Variants in CLIC2 observed in about 807,000 individuals in gnomAD.
The protein encoded by CLIC2 is chloride intracellular channel protein 2.
In CLIC2, 9 loss-of-function variants were observed where a neutral mutation model predicts 14.8. The observed-to-expected ratio is 0.61, with a 90% confidence interval of 0.37 to 1.06. The LOEUF is 1.06. Ranked by LOEUF, CLIC2 falls within the 50% of genes least tolerant of loss-of-function variation. CLIC2 has a pLI of 0.01. For synonymous variants in CLIC2, 61 were observed against 66.3 expected (o/e 0.92, Z 0.39); for missense variants, 148 against 181.4 (o/e 0.82, Z 1.06).
At chrX:155,280,552 G>A (rs1434130964) in intron 3 of CLIC2, among the ~76,000 whole-genome samples, 1 of 110,827 alleles carries the variant, frequency 9.0e-6, no homozygotes, top group Non-Finnish European at 1.9e-5. Flanking sequence ...CATTAGCTGG[G>A]CGTGGTGGCG....
intron 1 of CLIC2, among the ~76,000 whole-genome samples, chrX:155,322,811 G>A (rs1432985358): frequency 9.0e-6 from 1 of 111,263 alleles, no homozygotes; most frequent in Non-Finnish European, 1.9e-5. Context: ...CTGCTAGCCA[G>A]ACTAATAAAG....
At chrX:155,292,413 C>T in intron 3 of CLIC2, 2 of 561,766 alleles carry the variant, frequency 3.6e-6, no homozygotes, top group South Asian at 2.3e-5. Context: ...AGAACGTCAA[C>T]GAATTACAGA....
intron 3 of CLIC2, among the ~76,000 whole-genome samples, chrX:155,284,354 G>A (rs1184678773): frequency 9.4e-6 from 1 of 106,447 alleles, no homozygotes; most frequent in African/African-American, 3.4e-5. Context: ...CTGCCTCCCA[G>A]GTTCAAGCGA....
chrX:155,329,517 C>G (rs1423368720), intron 1 of CLIC2, among the ~76,000 whole-genome samples: 1 of 106,951 alleles, frequency 9.4e-6, no homozygotes, highest in African/African-American at 3.4e-5. Context: ...TGGCTTTTAT[C>G]CAAAAGACAG....
Position 155,316,939 on chromosome X carries a change from G to A in CLIC2, c.57+17432C>T, listed in dbSNP as rs150334746. The stretch of plus-strand genomic sequence containing the variant: ...GCCCAATCAGATTAAGGGTGGGTGT[G>A]CCTTTCCCAGCCCACTGACTCAAAT... On this transcript the variant is annotated intron_variant, in intron 1 of 5. Coordinates refer to ENST00000369449, the MANE Select transcript of CLIC2 (RefSeq NM_001289.6). 3.2e-3 allele frequency among the ~76,000 whole-genome samples: 352 copies of A among 111,253 alleles called. 2 individuals carry two copies. The highest frequency in any genetic ancestry group is 3.3e-3 in the Non-Finnish European group (173 of 53,048).
intron 1 of CLIC2, among the ~76,000 whole-genome samples, chrX:155,313,435 T>C (rs2075082187): frequency 8.9e-6 from 1 of 112,053 alleles, no homozygotes; most frequent in Non-Finnish European, 1.9e-5. Context: ...TGCAGCACTA[T>C]TCACAATAGC....
Position 155,298,928 on chromosome X carries a change from A to G in CLIC2, c.168-18T>C. ...CAGGCTTTCTATGATTATTAAAAAT[A>G]AGCAGAGTTAGGTCTCTAGATAAAG... On this transcript the variant is annotated intron_variant, in intron 2 of 5. Coordinates refer to ENST00000369449, the MANE Select transcript of CLIC2 (RefSeq NM_001289.6). The G allele has an allele frequency of 1.7e-6, 2 of 1,205,967 alleles. No homozygotes were observed. Among genetic ancestry groups the G allele is most frequent in the Non-Finnish European group, 1.1e-6 (1 of 890,269 alleles).
At chrX:155,298,606 A>G (rs2075003134) in intron 3 of CLIC2, among the ~76,000 whole-genome samples, 179 bp downstream of exon 3, 1 of 112,336 alleles carries the variant, frequency 8.9e-6, no homozygotes, top group Non-Finnish European at 1.9e-5. Context: ...TATTTGAAAT[A>G]TTACACATAT....
In CLIC2 at chrX:155,277,624, G is replaced by A. The variant is rs138121730; in HGVS notation, c.*279C>T. 3.6e-3 allele frequency: 1,040 copies of A among 288,921 alleles called. 11 individuals are homozygous for A. Among genetic ancestry groups the A allele is most frequent in the African/African-American group, 0.026 (953 of 36,496 alleles). The allele number at this position is 288,921 out of a possible 1,213,427, so 23.8% of individuals were successfully genotyped here. ...GTTTAGCTTATATGTATGCATTCCAGGAATTCAAGCAAAGGGCAAAAGATT... is the reference window on the plus strand; with the variant it reads ...GTTTAGCTTATATGTATGCATTCCAAGAATTCAAGCAAAGGGCAAAAGATT... On this transcript the variant is annotated 3_prime_UTR_variant, in exon 6 of 6. Transcript: ENST00000369449.
At chrX:155,280,876 G>A (rs1483407924) in intron 3 of CLIC2, among the ~76,000 whole-genome samples, 4 of 108,285 alleles carry the variant, frequency 3.7e-5, no homozygotes, top group Admixed American at 1.0e-4. Flanking sequence ...TAAAAAATCA[G>A]CACCTCATGG....
intron 1 of CLIC2, among the ~76,000 whole-genome samples, chrX:155,332,174 T>G (rs1268793462): frequency 8.9e-6 from 1 of 111,999 alleles, no homozygotes; most frequent in Non-Finnish European, 1.9e-5. Context: ...TAAAAGACAA[T>G]GTTTTTATTG....
intron 1 of CLIC2, among the ~76,000 whole-genome samples, chrX:155,332,918 T>A (rs1162185624): frequency 8.9e-6 from 1 of 112,302 alleles, no homozygotes; most frequent in South Asian, 3.6e-4. Flanking sequence ...TACTTCTGAT[T>A]TGGAATTGGT....
At chrX:155,305,242 C>T (rs1188591722) in intron 1 of CLIC2, among the ~76,000 whole-genome samples, 6 of 112,251 alleles carry the variant, frequency 5.3e-5, no homozygotes, top group Non-Finnish European at 3.8e-5. Flanking sequence ...ACTCCGTGGG[C>T]GTGGGACCCT....
At chrX:155,294,644 C>T (rs1557318155) in intron 3 of CLIC2, among the ~76,000 whole-genome samples, 2 of 110,989 alleles carry the variant, frequency 1.8e-5, no homozygotes, top group African/African-American at 3.3e-5. Context: ...GCTAGACTAA[C>T]CAAAAAAGTA....
intron 1 of CLIC2, among the ~76,000 whole-genome samples, chrX:155,328,176 T>G (rs1255399761): frequency 3.6e-5 from 4 of 110,773 alleles, no homozygotes; most frequent in African/African-American, 1.3e-4. Flanking sequence ...TCAGACAAGA[T>G]AAAGAAATAA....
At chrX:155,301,640 C>T (rs2075018619) in intron 1 of CLIC2, among the ~76,000 whole-genome samples, 1 of 74,040 alleles carries the variant, frequency 1.4e-5, no homozygotes, top group Non-Finnish European at 2.7e-5. Flanking sequence ...TGAGAGAGGG[C>T]ATCCCTGTCT....
chrX:155,278,166 A>G lies in CLIC2; in HGVS notation c.583-102T>C, dbSNP rs950938466. 1.0e-5 allele frequency: 7 copies of G among 691,238 alleles called. No individual in the cohort carries two copies. In the African/African-American group the frequency reaches 1.5e-4, roughly 15 times the overall value. The allele number at this position is 691,238 out of a possible 1,213,427, so 57.0% of individuals were successfully genotyped here. Reference sequence around the variant, plus strand: ...CAAGATTATCAAAGGCATCTTATCGACACAAAAAGCACTATAAAATAAACT... The same window carrying G: ...CAAGATTATCAAAGGCATCTTATCGGCACAAAAAGCACTATAAAATAAACT... On this transcript the variant is annotated intron_variant, in intron 5 of 5. Transcript: ENST00000369449.
intron 1 of CLIC2, among the ~76,000 whole-genome samples, chrX:155,304,934 C>T (rs1488535766): frequency 5.9e-4 from 62 of 104,879 alleles, no homozygotes; most frequent in South Asian, 2.3e-3. Flanking sequence ...GCAGTCTGCC[C>T]GTTCTCAGAT....
At chrX:155,329,328 A>G (rs782460767) in intron 1 of CLIC2, among the ~76,000 whole-genome samples, 1 of 109,095 alleles carries the variant, frequency 9.2e-6, no homozygotes, top group South Asian at 4.1e-4. Flanking sequence ...AAGATATACA[A>G]ATGGTGAAGA....
Sources: gnomAD v4.1 joint callset for allele counts (sites outside exome capture counted in the v4.1 genomes callset) on GRCh38, gnomAD v4.1.1 for gene constraint, MANE v1.5 for transcripts, NCBI Gene and HGNC (gene_info 2026-07-23, HGNC 2026-07-21) for gene names.